Variants in RYR2 observed in about 807,000 individuals in gnomAD.
RYR2 encodes the protein ryanodine receptor 2, also known as cardiac muscle ryanodine receptor-calcium release channel.
Under a neutral mutation model 601.1 loss-of-function variants are expected in RYR2, and 227 were observed. The observed-to-expected ratio is 0.38, with a 90% CI of 0.34 to 0.42. The LOEUF (loss-of-function observed/expected upper bound fraction) is 0.42. RYR2 is among the 10% of genes least tolerant of loss of function. The probability of loss-of-function intolerance (pLI) is 1.00; values close to 1 mark genes in which losing one functional copy is unlikely to be tolerated. For missense variants in RYR2, 4,646 were observed against 6,156.5 expected, an observed-to-expected ratio of 0.75 and a Z score of 8.21; for synonymous variants, 2,223 against 2,175.1, an observed-to-expected ratio of 1.02 and a Z score of -0.61.
At chr1:237,726,827 T>C (rs1690242740) in intron 75 of RYR2, among the ~76,000 whole-genome samples, 3 of 152,130 alleles carry the variant, frequency 2.0e-5, no homozygotes, top group African/African-American at 7.2e-5. Flanking sequence ...GTACACAGTA[T>C]TGGGAAAATG....
intron 17 of RYR2, among the ~76,000 whole-genome samples, chr1:237,472,094 G>C (rs183213534): frequency 2.0e-5 from 3 of 152,228 alleles, no homozygotes; most frequent in African/African-American, 7.2e-5. Context: ...TAACATTTAT[G>C]CTTTTAATGA....
At chr1:237,219,774 A>G (rs1683603245) in intron 1 of RYR2, among the ~76,000 whole-genome samples, 1 of 152,204 alleles carries the variant, frequency 6.6e-6, no homozygotes, top group Non-Finnish European at 1.5e-5. Flanking sequence ...CAGCATCAGA[A>G]CAAGAGATTA....
intron 29 of RYR2, among the ~76,000 whole-genome samples, chr1:237,584,905 T>TG (rs202220365): frequency 8.4e-6 from 1 of 118,800 alleles, no homozygotes; most frequent in Non-Finnish European, 1.9e-5. Flanking sequence ...CCTAATTTGT[T>TG]ATTTTTTTTT....
chr1:237,050,605 CT>C (rs1279493829), intron 1 of RYR2, among the ~76,000 whole-genome samples: 26 of 152,158 alleles, frequency 1.7e-4, no homozygotes, highest in African/African-American at 5.6e-4. Flanking sequence ...AATTGTTTCT[CT>C]TTCCTCCTGA....
intron 1 of RYR2, among the ~76,000 whole-genome samples, chr1:237,150,705 G>T (rs1332780480): frequency 2.0e-5 from 3 of 152,144 alleles, no homozygotes; most frequent in Non-Finnish European, 4.4e-5. Flanking sequence ...TTTAATCATA[G>T]ATTTGGAGAA....
intron 1 of RYR2, among the ~76,000 whole-genome samples, chr1:237,230,616 T>C (rs556479345): frequency 1.3e-5 from 2 of 152,222 alleles, no homozygotes; most frequent in Non-Finnish European, 2.9e-5. Flanking sequence ...GGAATGTTTT[T>C]ATTTTTAAAA....
chr1:237,717,450 A>T, intron 72 of RYR2, 82 bp downstream of exon 72: 2 of 1,150,122 alleles, frequency 1.7e-6, no homozygotes, highest in South Asian at 3.9e-5. Flanking sequence ...TCACTGCCCT[A>T]TGTCAATATT....
At chr1:237,695,320 G>A (rs548791782) in intron 63 of RYR2, among the ~76,000 whole-genome samples, 20 of 152,062 alleles carry the variant, frequency 1.3e-4, no homozygotes, top group South Asian at 8.3e-4. Flanking sequence ...TTATGTTTAC[G>A]TACACCTTGA....
intron 1 of RYR2, among the ~76,000 whole-genome samples, chr1:237,087,774 G>A (rs1666515778): frequency 6.6e-6 from 1 of 152,022 alleles, no homozygotes; most frequent in Admixed American, 6.5e-5. Flanking sequence ...TCCACAGTGG[G>A]GCTTGGATGT....
At chr1:237,169,793 GA>G (rs1260088532) in intron 1 of RYR2, among the ~76,000 whole-genome samples, 2 of 152,112 alleles carry the variant, frequency 1.3e-5, no homozygotes, top group Admixed American at 6.5e-5. Context: ...CTGTTGTATG[GA>G]TAATTCATGT....
chr1:237,605,760 T>G (rs1001132777), intron 35 of RYR2, among the ~76,000 whole-genome samples: 1 of 152,012 alleles, frequency 6.6e-6, no homozygotes, highest in Non-Finnish European at 1.5e-5. Context: ...ACAAGCATTC[T>G]TATACACCAA....
chr1:237,531,343 C>T (rs1241574409), intron 25 of RYR2, among the ~76,000 whole-genome samples: 1 of 152,072 alleles, frequency 6.6e-6, no homozygotes, highest in Non-Finnish European at 1.5e-5. Context: ...TGCCTGTGGG[C>T]ATTAGTAATA....
chr1:237,759,088 G>A (rs1334464842), intron 82 of RYR2, among the ~76,000 whole-genome samples: 1 of 151,910 alleles, frequency 6.6e-6, no homozygotes, highest in Admixed American at 6.6e-5. Context: ...TGCTGTTCGG[G>A]GTTTTTTGTT....
intron 2 of RYR2, among the ~76,000 whole-genome samples, chr1:237,273,614 A>G (rs188016476): frequency 1.1e-3 from 170 of 152,292 alleles, no homozygotes; most frequent in African/African-American, 3.4e-3. Context: ...TGACTACCAA[A>G]AATGGGAGAG....
chr1:237,339,856 A>C (rs2149607734), intron 3 of RYR2, among the ~76,000 whole-genome samples: 1 of 152,310 alleles, frequency 6.6e-6, no homozygotes, highest in African/African-American at 2.4e-5. Context: ...AAAGCAAGGC[A>C]CTTTCCCCAG....
At position 237,377,529 on chromosome 1, in the gene RYR2, T is replaced by C. The variant is rs145363652; in HGVS notation, c.576+94T>C. On this transcript the variant is annotated intron_variant, in intron 8 of 104. Coordinates refer to ENST00000366574, the MANE Select transcript of RYR2 (RefSeq NM_001035.3). ...TAAGGTTTATATTGTAAATTATCTA[T>C]GAAAATTGCTTATAACCATTCCTCT... 214 of 903,828 alleles carry C rather than the reference T, an allele frequency of 2.4e-4. 1 individual carries two copies. The East Asian group carries it at 5.6e-3, about 24-fold the overall frequency. 56.0% of individuals were successfully genotyped at this position (903,828 alleles called of 1,614,324 possible). A position where few individuals can be genotyped will look rare whatever the true frequency, so the allele number is the denominator to read the frequency against.
intron 79 of RYR2, among the ~76,000 whole-genome samples, chr1:237,735,774 G>C (rs1479715713): frequency 6.6e-6 from 1 of 152,082 alleles, no homozygotes; most frequent in Non-Finnish European, 1.5e-5. Context: ...CTAATACAAT[G>C]TAAATGCCAA....
chr1:237,286,262 G>T (rs1366065836), intron 2 of RYR2, among the ~76,000 whole-genome samples: 2 of 151,714 alleles, frequency 1.3e-5, no homozygotes, highest in Non-Finnish European at 1.5e-5. Context: ...TTTTCATCTT[G>T]GTTTCGTTTT....
At chr1:237,349,596 C>A (rs527757060) in intron 3 of RYR2, among the ~76,000 whole-genome samples, 27 of 152,094 alleles carry the variant, frequency 1.8e-4, no homozygotes, top group African/African-American at 6.0e-4. Context: ...AAATGCATAA[C>A]GATAATAACT....
Sources: allele counts gnomAD v4.1 joint callset (sites outside exome capture counted in the v4.1 genomes callset), GRCh38; gene constraint gnomAD v4.1.1; transcripts MANE v1.5; gene names NCBI Gene and HGNC (gene_info 2026-07-23, HGNC 2026-07-21).